DLGAP1: variants seen among roughly 807,000 people sequenced by gnomAD.
DLGAP1 encodes the protein DLG associated protein 1.
DLGAP1 carries 11 observed loss-of-function variants against 90.8 expected under a neutral mutation model. That is an observed-to-expected ratio of 0.12 (90% confidence interval 0.08 to 0.20). DLGAP1 has a LOEUF of 0.20. Among genes scored for constraint, DLGAP1 ranks in the 10% least tolerant of loss-of-function variants. The pLI is 1.00. For synonymous variants in DLGAP1, 558 were observed against 540.7 expected (o/e 1.03, Z -0.44); for missense variants, 1,050 against 1,333.8 (o/e 0.79, Z 3.31).
intron 2 of DLGAP1, among the ~76,000 whole-genome samples, chr18:4,106,426 T>TG (rs1182882321): frequency 6.6e-6 from 1 of 152,160 alleles, no homozygotes; most frequent in East Asian, 1.9e-4. Context: ...ATTCCGTGGG[T>TG]GTAGGACGAG....
At chr18:4,386,232 C>G (rs547154849) in intron 1 of DLGAP1, among the ~76,000 whole-genome samples, 1 of 152,048 alleles carries the variant, frequency 6.6e-6, no homozygotes, top group Non-Finnish European at 1.5e-5. Context: ...GTCAGAATGC[C>G]GACCAGATCG....
At chr18:4,400,451 C>A (rs1402387174) in intron 1 of DLGAP1, among the ~76,000 whole-genome samples, 1 of 152,230 alleles carries the variant, frequency 6.6e-6, no homozygotes, top group African/African-American at 2.4e-5. Flanking sequence ...GCAGATGATG[C>A]CTGGGCCACT....
chr18:4,055,078 T>A (rs1233623467), intron 2 of DLGAP1, among the ~76,000 whole-genome samples: 1 of 152,182 alleles, frequency 6.6e-6, no homozygotes, highest in Non-Finnish European at 1.5e-5. Context: ...GGTCCGCACA[T>A]ACTGTGATAA....
intron 1 of DLGAP1, among the ~76,000 whole-genome samples, chr18:4,238,339 C>T (rs1521427): frequency 0.49 from 74,426 of 151,906 alleles, 18,602 homozygotes; most frequent in East Asian, 0.68. Flanking sequence ...GTTTATATCC[C>T]TGATACATAG....
intron 1 of DLGAP1, among the ~76,000 whole-genome samples, chr18:4,256,288 T>C (rs1296236258): frequency 6.6e-6 from 1 of 152,186 alleles, no homozygotes; most frequent in Admixed American, 6.5e-5. Flanking sequence ...TGTTCCCAGC[T>C]ACTCAAGAGG....
At chr18:3,893,891 G>T (rs57451680) in intron 3 of DLGAP1, among the ~76,000 whole-genome samples, 34,194 of 151,818 alleles carry the variant, frequency 0.23, 4,117 homozygotes, top group Admixed American at 0.35. Context: ...GTTATTTTTT[G>T]ATTTTTTAAT....
At chr18:3,601,826 C>T (rs1401357622) in intron 7 of DLGAP1, among the ~76,000 whole-genome samples, 3 of 135,312 alleles carry the variant, frequency 2.2e-5, no homozygotes, top group African/African-American at 8.8e-5. Flanking sequence ...GCCTGGGTGA[C>T]AGAGCGAGAC....
At chr18:4,437,615 C>T (rs1397871922) in intron 1 of DLGAP1, among the ~76,000 whole-genome samples, 1 of 152,130 alleles carries the variant, frequency 6.6e-6, no homozygotes, top group Non-Finnish European at 1.5e-5. Flanking sequence ...TTGAATATTT[C>T]CATTTGTGGA....
chr18:4,154,785 C>G (rs2076728700), intron 1 of DLGAP1, among the ~76,000 whole-genome samples: 1 of 152,080 alleles, frequency 6.6e-6, no homozygotes, highest in African/African-American at 2.4e-5. Context: ...GTATGAGGAA[C>G]AAGGGAAAGC....
chr18:3,861,850 G>T (rs1006268706), intron 4 of DLGAP1, among the ~76,000 whole-genome samples: 1 of 152,220 alleles, frequency 6.6e-6, no homozygotes, highest in African/African-American at 2.4e-5. Flanking sequence ...CAATGGGCCT[G>T]CCACCAATGG....
At position 4,249,993 on chromosome 18, in the gene DLGAP1, T is replaced by G. The variant is rs572835422; in HGVS notation, c.-266-98706A>C. Among the ~76,000 whole-genome samples the G allele has an allele frequency of 3.3e-5, 5 of 152,334 alleles. No homozygotes were observed. In the South Asian group the frequency reaches 1.0e-3, roughly 32 times the overall value. ...CTGATAGCCTTTAAGCTCATATCCT[T>G]CAGCCATGCATCTTTGGGTAGGTAA... On this transcript the variant is annotated intron_variant, in intron 1 of 12. Transcript: ENST00000315677.
chr18:4,177,140 G>T (rs955338675), intron 1 of DLGAP1, among the ~76,000 whole-genome samples: 5 of 152,054 alleles, frequency 3.3e-5, no homozygotes, highest in African/African-American at 1.2e-4. Context: ...AGGCTCCCTG[G>T]GTTCCTTGCA....
At chr18:4,419,415 A>T (rs561929462) in intron 1 of DLGAP1, among the ~76,000 whole-genome samples, 1 of 152,324 alleles carries the variant, frequency 6.6e-6, no homozygotes, top group South Asian at 2.1e-4. Context: ...ACCCTTCAAA[A>T]AGTGGTAAAG....
chr18:3,680,326 G>A (rs1444389497), intron 7 of DLGAP1: 1 of 152,770 alleles, frequency 6.5e-6, no homozygotes, highest in Non-Finnish European at 1.5e-5. Context: ...CACAGAGTGT[G>A]GGGACCTGGA....
chr18:4,085,566 A>G (rs772341120), intron 2 of DLGAP1, among the ~76,000 whole-genome samples: 2 of 152,214 alleles, frequency 1.3e-5, no homozygotes, highest in African/African-American at 2.4e-5. Flanking sequence ...ACCCAGGGAA[A>G]GGAAATACTT....
intron 3 of DLGAP1, among the ~76,000 whole-genome samples, chr18:3,897,650 G>A (rs774448566): frequency 2.6e-5 from 4 of 152,130 alleles, no homozygotes; most frequent in African/African-American, 7.2e-5. Context: ...CTGACTTGGA[G>A]GCACTGAAAG....
chr18:4,338,541 T>C (rs951214990), intron 1 of DLGAP1, among the ~76,000 whole-genome samples: 6 of 152,208 alleles, frequency 3.9e-5, no homozygotes, highest in African/African-American at 1.4e-4. Flanking sequence ...GAGTGCCTAT[T>C]ATTTATCAGG....
intron 2 of DLGAP1, among the ~76,000 whole-genome samples, chr18:4,119,598 G>C (rs921623812): frequency 2.0e-5 from 3 of 152,180 alleles, no homozygotes; most frequent in Non-Finnish European, 4.4e-5. Flanking sequence ...GATGACAGCC[G>C]AAGGCACACA....
chr18:4,170,220 G>A (rs2076999879), intron 1 of DLGAP1, among the ~76,000 whole-genome samples: 1 of 152,104 alleles, frequency 6.6e-6, no homozygotes, highest in Non-Finnish European at 1.5e-5. Flanking sequence ...TTTATTGAAC[G>A]TTGGGCATGA....
Sources: gnomAD v4.1 joint callset for allele counts (sites outside exome capture counted in the v4.1 genomes callset) on GRCh38, gnomAD v4.1.1 for gene constraint, MANE v1.5 for transcripts, NCBI Gene and HGNC (gene_info 2026-07-23, HGNC 2026-07-21) for gene names.